The following ATRNL1 variants were observed in gnomAD, a reference collection of about 807,000 sequenced individuals.
ATRNL1 encodes the protein attractin like 1, also known as attractin-like protein 1.
A neutral mutation model predicts 182.7 loss-of-function variants in ATRNL1; 95 were observed. The ratio of observed to expected loss-of-function variants is 0.52; its 90% CI spans 0.44 to 0.62. The LOEUF is 0.62. Ranked by LOEUF, ATRNL1 falls within the 20% of genes least tolerant of loss-of-function variation. The pLI, the probability that ATRNL1 is intolerant of heterozygous loss-of-function variation, is 0.00. For synonymous variants in ATRNL1, 576 were observed against 568.3 expected (o/e 1.01, Z -0.19); for missense variants, 1,471 against 1,679.5 (o/e 0.88, Z 2.17).
intron 1 of ATRNL1, among the ~76,000 whole-genome samples, chr10:115,100,034 G>A (rs1554864207): frequency 6.6e-6 from 1 of 152,160 alleles, no homozygotes; most frequent in African/African-American, 2.4e-5. Flanking sequence ...GCTCATGTGT[G>A]TAATCCCAGC....
intron 4 of ATRNL1, among the ~76,000 whole-genome samples, chr10:115,129,048 G>A (rs782801102): frequency 2.6e-5 from 4 of 152,108 alleles, no homozygotes; most frequent in East Asian, 1.9e-4. Flanking sequence ...GCCTGGAACC[G>A]TACAGATCCT....
intron 27 of ATRNL1, among the ~76,000 whole-genome samples, chr10:115,805,281 G>A (rs1949894025): frequency 6.6e-6 from 1 of 152,150 alleles, no homozygotes; most frequent in Non-Finnish European, 1.5e-5. Context: ...TCACTCACTT[G>A]TGAAAGCAAA....
intron 26 of ATRNL1, among the ~76,000 whole-genome samples, chr10:115,634,064 A>G (rs532310884): frequency 1.2e-4 from 19 of 152,098 alleles, no homozygotes; most frequent in Non-Finnish European, 5.9e-5. Context: ...AATAAGTGTT[A>G]TATGTAACAT....
At chr10:115,762,319 G>C (rs1555073810) in intron 27 of ATRNL1, among the ~76,000 whole-genome samples, 1 of 152,070 alleles carries the variant, frequency 6.6e-6, no homozygotes, top group Non-Finnish European at 1.5e-5. Flanking sequence ...AGCCTGCCTG[G>C]TCTTTTGGCA....
intron 21 of ATRNL1, among the ~76,000 whole-genome samples, chr10:115,452,254 G>A (rs1554967806): frequency 6.6e-6 from 1 of 151,972 alleles, no homozygotes; most frequent in East Asian, 1.9e-4. Context: ...TAAAATTAAA[G>A]TTTTTTAAAA....
At chr10:115,820,036 A>G (rs1950255761) in intron 27 of ATRNL1, 1 of 152,214 alleles carries the variant, frequency 6.6e-6, no homozygotes, top group East Asian at 1.9e-4. Flanking sequence ...CCCCAAATCC[A>G]CATGTGAAAA....
At chr10:115,510,233 C>T (rs1383596606) in intron 24 of ATRNL1, among the ~76,000 whole-genome samples, 1 of 152,018 alleles carries the variant, frequency 6.6e-6, no homozygotes, top group Non-Finnish European at 1.5e-5. Context: ...GTTGGAATAT[C>T]ACATAAACTT....
Position 115,528,011 on chromosome 10 carries a change from T to TTCCC in ATRNL1, c.3716+8690_3716+8691insCTCC, listed in dbSNP as rs1433602873. On this transcript the variant is annotated intron_variant, in intron 25 of 28. Transcript: ENST00000355044. ...CTCCCTCCCTCCCTTCCTTCCTTCC[T>TTCCC]TCCTTCCTTCCTTCCCTCCTTCCTT... Among the ~76,000 whole-genome samples the TTCCC allele has an allele frequency of 8.4e-4, 51 of 60,476 alleles. 5 individuals are homozygous for TTCCC. The highest frequency in any genetic ancestry group is 4.5e-3 in the African/African-American group (49 of 10,998). 39.7% of individuals were successfully genotyped at this position (60,476 alleles called of 152,430 possible). A position where few individuals can be genotyped will look rare whatever the true frequency, so the allele number is the denominator to read the frequency against.
chr10:115,720,266 C>T lies in ATRNL1; in HGVS notation c.3796-6982C>T, dbSNP rs144840974. 1.6e-3 allele frequency among the ~76,000 whole-genome samples: 239 copies of T among 152,178 alleles called. 2 individuals are homozygous for T. Among genetic ancestry groups the T allele is most frequent in the African/African-American group, 5.4e-3 (223 of 41,514 alleles). On this transcript the variant is annotated intron_variant, in intron 26 of 28. Transcript: ENST00000355044. ...ACTTCAAAATTTAATTACAAAGAAT[C>T]GCCCCTGTAAGAAGTACTGTTTTGT...
chr10:115,886,629 G>A (rs2134452949), intron 28 of ATRNL1, among the ~76,000 whole-genome samples: 1 of 152,270 alleles, frequency 6.6e-6, no homozygotes, highest in Non-Finnish European at 1.5e-5. Context: ...TTTTACATTT[G>A]TTTGGATTGT....
At chr10:115,943,222 A>C (rs1324693411) in intron 28 of ATRNL1, among the ~76,000 whole-genome samples, 1 of 152,214 alleles carries the variant, frequency 6.6e-6, no homozygotes, top group Non-Finnish European at 1.5e-5. Context: ...AGTTTATGAG[A>C]ATGAAAAGTC....
At chr10:115,122,323 G>A (rs1250625800) in intron 3 of ATRNL1, among the ~76,000 whole-genome samples, 1 of 151,556 alleles carries the variant, frequency 6.6e-6, no homozygotes, top group Non-Finnish European at 1.5e-5. Flanking sequence ...TTAGTCGTAA[G>A]GTAGATTATT....
At chr10:115,145,066 T>C (rs781868970) in intron 5 of ATRNL1, among the ~76,000 whole-genome samples, 14 of 152,198 alleles carry the variant, frequency 9.2e-5, no homozygotes, top group Non-Finnish European at 2.1e-4. Context: ...TTTTATAATT[T>C]ATTATTTTAG....
chr10:115,692,202 G>A (rs993702677), intron 26 of ATRNL1, among the ~76,000 whole-genome samples: 2 of 152,092 alleles, frequency 1.3e-5, no homozygotes, highest in Non-Finnish European at 2.9e-5. Context: ...CAAAATTTTG[G>A]CTATTAAACA....
chr10:115,475,410 A>G (rs1473840172), intron 24 of ATRNL1, among the ~76,000 whole-genome samples: 1 of 151,508 alleles, frequency 6.6e-6, no homozygotes, highest in Non-Finnish European at 1.5e-5. Context: ...GATGTCAGTA[A>G]TGATGTTCTA....
At chr10:115,836,766 A>G (rs1258719512) in intron 27 of ATRNL1, among the ~76,000 whole-genome samples, 1 of 152,200 alleles carries the variant, frequency 6.6e-6, no homozygotes, top group Non-Finnish European at 1.5e-5. Context: ...GGTTCTGGAT[A>G]AACATGAACT....
intron 9 of ATRNL1, among the ~76,000 whole-genome samples, chr10:115,216,778 C>T (rs1849251349): frequency 6.6e-6 from 1 of 151,862 alleles, no homozygotes; most frequent in Non-Finnish European, 1.5e-5. Flanking sequence ...TCCATCAAAT[C>T]ATGATTTGTT....
At chr10:115,620,265 T>C (rs1857658117) in intron 26 of ATRNL1, among the ~76,000 whole-genome samples, 1 of 152,110 alleles carries the variant, frequency 6.6e-6, no homozygotes, top group African/African-American at 2.4e-5. Context: ...GATCTCATGG[T>C]AACTCATTAC....
intron 24 of ATRNL1, among the ~76,000 whole-genome samples, chr10:115,475,164 C>T (rs1554972854): frequency 6.6e-6 from 1 of 151,064 alleles, no homozygotes; most frequent in African/African-American, 2.4e-5. Flanking sequence ...GTTCTTTTTC[C>T]ACTTGCATCT....
Sources: gnomAD v4.1 joint callset for allele counts (sites outside exome capture counted in the v4.1 genomes callset) on GRCh38, gnomAD v4.1.1 for gene constraint, MANE v1.5 for transcripts, NCBI Gene and HGNC (gene_info 2026-07-23, HGNC 2026-07-21) for gene names.